The following INTS8 variants were observed in gnomAD, a reference collection of about 807,000 sequenced individuals.
INTS8 encodes integrator complex subunit 8.
In INTS8, 47 loss-of-function variants were observed where a neutral mutation model predicts 138.9. The observed-to-expected ratio is 0.34, with a 90% CI of 0.27 to 0.43. INTS8 has a LOEUF of 0.43. INTS8 is among the 20% of genes least tolerant of loss of function. INTS8 has a pLI of 1.00. For missense variants in INTS8, 996 were observed against 1,173.0 expected (o/e 0.85, Z 2.20); for synonymous variants, 392 against 400.9 (o/e 0.98, Z 0.27).
intron 7 of INTS8, among the ~76,000 whole-genome samples, chr8:94,837,623 T>C (rs1814973339): frequency 6.6e-6 from 1 of 152,196 alleles, no homozygotes; most frequent in African/African-American, 2.4e-5. Flanking sequence ...ATGATTATGC[T>C]CTTTGCTCGC....
intron 2 of INTS8, among the ~76,000 whole-genome samples, chr8:94,825,656 C>T (rs1166205598): frequency 1.3e-5 from 2 of 152,076 alleles, no homozygotes. Flanking sequence ...TCATAAATCA[C>T]TATCTCCTAT....
At chr8:94,834,727 C>T (rs946465102) in intron 6 of INTS8, among the ~76,000 whole-genome samples, 22 of 151,062 alleles carry the variant, frequency 1.5e-4, no homozygotes, top group African/African-American at 5.3e-4. Context: ...AAAAGTCAGC[C>T]AAACATGTAG....
chr8:94,871,352 C>T (rs1816391048), intron 20 of INTS8, among the ~76,000 whole-genome samples: 2 of 151,780 alleles, frequency 1.3e-5, no homozygotes, highest in African/African-American at 4.8e-5. Flanking sequence ...GTGGTGAGCG[C>T]CTGTAATCCC....
At chr8:94,829,759 T>G (rs1375785769) in intron 5 of INTS8, among the ~76,000 whole-genome samples, 1 of 152,248 alleles carries the variant, frequency 6.6e-6, no homozygotes. Context: ...TACTACTGAT[T>G]GATTCTGTTT....
intron 21 of INTS8, 135 bp downstream of exon 21, chr8:94,872,137 A>G: frequency 1.8e-6 from 1 of 571,260 alleles, no homozygotes; most frequent in Non-Finnish European, 3.1e-6. Context: ...TTAAAGCAGT[A>G]AAAGTATTTG....
intron 8 of INTS8, among the ~76,000 whole-genome samples, chr8:94,841,011 C>G (rs767354427): frequency 6.6e-6 from 1 of 151,050 alleles, no homozygotes; most frequent in Non-Finnish European, 1.5e-5. Flanking sequence ...CTCCTGAGTT[C>G]AAGCAGTTCT....
At chr8:94,848,085 T>C (rs1419200108) in intron 10 of INTS8, among the ~76,000 whole-genome samples, 1 of 148,852 alleles carries the variant, frequency 6.7e-6, no homozygotes, top group Non-Finnish European at 1.5e-5. Flanking sequence ...CTCCACTCAC[T>C]CTAACCTCTG....
chr8:94,835,688 C>G (rs1360465562), intron 6 of INTS8, among the ~76,000 whole-genome samples: 2 of 152,082 alleles, frequency 1.3e-5, no homozygotes, highest in East Asian at 3.9e-4. Flanking sequence ...CAACCTCTGC[C>G]TCCCGGGTTC....
Position 94,880,220 on chromosome 8 carries a change from A to C in INTS8, c.2974A>C (p.Lys992Gln), listed in dbSNP as rs1392891291. 2 of 1,596,004 alleles carry C rather than the reference A, an allele frequency of 1.3e-6. No homozygotes were observed. Among genetic ancestry groups the C allele is most frequent in the Non-Finnish European group, 1.7e-6 (2 of 1,170,428 alleles). ...RKKKFLQAMA[K>Q]LYF is the part of the protein sequence containing the mutation. ...AAAAAAGTTTCTCCAAGCAATGGCA[A>C]AACTTTACTTTTAAGCAGTTAAATT... is the stretch of plus-strand genomic sequence containing the variant. The change falls in exon 27 of 27, where the codon AAA becomes CAA. Residue 992 changes from lysine (K) to glutamine (Q), a missense_variant. By Grantham distance (53) the Lys-to-Gln change is moderately conservative. Coordinates refer to ENST00000523731, the MANE Select transcript of INTS8 (RefSeq NM_017864.4).
chr8:94,835,152 A>G (rs1387777475), intron 6 of INTS8, among the ~76,000 whole-genome samples: 1 of 152,180 alleles, frequency 6.6e-6, no homozygotes, highest in African/African-American at 2.4e-5. Context: ...AGAAGACTTG[A>G]TCTGTCAGCC....
chr8:94,835,268 C>A (rs1045489436), intron 6 of INTS8, among the ~76,000 whole-genome samples: 1 of 152,138 alleles, frequency 6.6e-6, no homozygotes, highest in Non-Finnish European at 1.5e-5. Context: ...ACTTTCTGGG[C>A]GTTTGTATTC....
intron 14 of INTS8, among the ~76,000 whole-genome samples, chr8:94,856,256 G>C (rs932419755): frequency 6.6e-6 from 1 of 152,246 alleles, no homozygotes; most frequent in Admixed American, 6.5e-5. Context: ...GTAGAAGCCA[G>C]ATTATGGGAG....
intron 1 of INTS8, among the ~76,000 whole-genome samples, chr8:94,824,001 AT>A (rs35421564): frequency 0.43 from 64,796 of 151,964 alleles, 14,554 homozygotes; most frequent in East Asian, 0.65. Context: ...TTATTTAAAC[AT>A]TTTTTTCTTC....
At chr8:94,841,457 T>C in intron 8 of INTS8, 34 bp from the exon 9 acceptor site, 1 of 1,077,422 alleles carries the variant, frequency 9.3e-7, no homozygotes, top group Non-Finnish European at 1.4e-6. Context: ...ACCATGATTT[T>C]TGAAATGGGT....
At chr8:94,860,920 A>C (rs1001088118) in intron 16 of INTS8, among the ~76,000 whole-genome samples, 1 of 150,970 alleles carries the variant, frequency 6.6e-6, no homozygotes, top group Non-Finnish European at 1.5e-5. Flanking sequence ...AGCCGGGCGT[A>C]GTGGCGGGCT....
intron 20 of INTS8, among the ~76,000 whole-genome samples, chr8:94,870,945 A>G (rs577970377): frequency 2.0e-5 from 3 of 152,006 alleles, no homozygotes; most frequent in East Asian, 1.9e-4. Flanking sequence ...AGGTGTCCAC[A>G]TTTAGCCAGG....
At chr8:94,865,324 A>C (rs1009854856) in intron 16 of INTS8, among the ~76,000 whole-genome samples, 182 bp from the exon 17 acceptor site, 50 of 152,180 alleles carry the variant, frequency 3.3e-4, no homozygotes, top group African/African-American at 1.1e-3. Context: ...TCAGATTCAG[A>C]TCTGTCAGTA....
intron 8 of INTS8, among the ~76,000 whole-genome samples, chr8:94,839,579 C>CTT (rs1013555470): frequency 6.6e-6 from 1 of 152,048 alleles, no homozygotes; most frequent in Non-Finnish European, 1.5e-5. Context: ...ATCTTTGGCC[C>CTT]TTTTTAAAAG....
chr8:94,828,643 G>T (rs564702797), intron 4 of INTS8, among the ~76,000 whole-genome samples: 1 of 152,252 alleles, frequency 6.6e-6, no homozygotes, highest in Non-Finnish European at 1.5e-5. Flanking sequence ...ATGAGGTTGG[G>T]TGCTGTGGCT....
Sources: allele counts gnomAD v4.1 joint callset (sites outside exome capture counted in the v4.1 genomes callset), GRCh38; gene constraint gnomAD v4.1.1; transcripts MANE v1.5; gene names NCBI Gene and HGNC (gene_info 2026-07-23, HGNC 2026-07-21).